Variants in HADHB observed in about 807,000 individuals in gnomAD.
The protein encoded by HADHB is hydroxyacyl-CoA dehydrogenase trifunctional multienzyme complex subunit beta, also known as trifunctional enzyme subunit beta, mitochondrial.
HADHB carries 50 observed loss-of-function variants against 61.9 expected under a neutral mutation model. That is an observed-to-expected ratio of 0.81 (90% CI 0.64 to 1.02). The LOEUF (loss-of-function observed/expected upper bound fraction) is 1.02. Among genes scored for constraint, HADHB ranks in the 50% least tolerant of loss-of-function variants. The probability of loss-of-function intolerance (pLI) is 0.00; values close to 1 mark genes in which losing one functional copy is unlikely to be tolerated. For synonymous variants in HADHB, 191 were observed against 201.6 expected, an observed-to-expected ratio of 0.95 and a Z score of 0.45; for missense variants, 504 against 586.5, an observed-to-expected ratio of 0.86 and a Z score of 1.45.
rs769724590 is a variant in HADHB, at chr2:26,254,478, C to T, written c.109+4C>T. 2 of 1,541,622 alleles carry T rather than the reference C, an allele frequency of 1.3e-6. No homozygotes were observed. Among genetic ancestry groups the T allele is most frequent in the Non-Finnish European group, 1.8e-6 (2 of 1,113,824 alleles). On this transcript the variant is annotated splice_donor_region_variant and intron_variant, in intron 3 of 15. Coordinates refer to ENST00000317799, the MANE Select transcript of HADHB (RefSeq NM_000183.3). ...TCCCAGCTACGAGCTGCCCCAGGTACAGTAATTTGTAAAATAAATATTTCT... is the reference window on the plus strand; with the variant it reads ...TCCCAGCTACGAGCTGCCCCAGGTATAGTAATTTGTAAAATAAATATTTCT...
chr2:26,285,430 G>A lies in HADHB; in HGVS notation c.1248G>A (p.Lys416=). The A allele has an allele frequency of 6.2e-7, 1 of 1,613,862 alleles. No individual in the cohort carries two copies. The highest frequency in any genetic ancestry group is 8.5e-7 in the Non-Finnish European group (1 of 1,179,800). The change falls in exon 15 of 16, where the codon AAG becomes AAA. Residue 416 remains lysine, a synonymous_variant. Transcript: ENST00000317799. ...AGGTTGGATTGCCTCCTTTGGAGAAGTTTAATAACTGGGGTGGATCTCTGT... is the reference window on the plus strand; with the variant it reads ...AGGTTGGATTGCCTCCTTTGGAGAAATTTAATAACTGGGGTGGATCTCTGT... ...KTKVGLPPLE[K]FNNWGGSLSL...
At chr2:26,279,396 C>A in intron 9 of HADHB, 81 bp downstream of exon 9, 1 of 997,558 alleles carries the variant, frequency 1.0e-6, no homozygotes, top group Non-Finnish European at 1.6e-6. Flanking sequence ...GTGATTTTTC[C>A]ATAAGTATGT....
intron 1 of HADHB, among the ~76,000 whole-genome samples, chr2:26,245,642 A>G (rs1671119716): frequency 6.6e-6 from 1 of 152,090 alleles, no homozygotes; most frequent in Non-Finnish European, 1.5e-5. Flanking sequence ...GGCCATATGT[A>G]GTAGAAATAA....
chr2:26,283,099 G>T, intron 12 of HADHB, 48 bp downstream of exon 12: 1 of 1,185,810 alleles, frequency 8.4e-7, no homozygotes, highest in African/African-American at 1.5e-5. Context: ...GTATTTGATT[G>T]CCTATGTTTT....
chr2:26,284,354 G>C, intron 13 of HADHB, 150 bp downstream of exon 13: 1 of 708,730 alleles, frequency 1.4e-6, no homozygotes, highest in African/African-American at 1.8e-5. Context: ...GCTGGGAGGG[G>C]CCCGAGGGGA....
intron 8 of HADHB, 124 bp downstream of exon 8, chr2:26,278,925 C>G (rs1432558768): frequency 3.0e-6 from 3 of 1,005,966 alleles, no homozygotes; most frequent in Non-Finnish European, 3.1e-6. Flanking sequence ...ATTACTTGCT[C>G]AAGATGGAAA....
chr2:26,279,721 G>A lies in HADHB; in HGVS notation c.812-273G>A, dbSNP rs528884427. On this transcript the variant is annotated intron_variant, in intron 9 of 15. Coordinates refer to ENST00000317799, the MANE Select transcript of HADHB (RefSeq NM_000183.3). ...TGCCTGTTTTTAAAATTCCTGAATC[G>A]TCTGACTTCTGTATAGAATAGCCAA... Among the ~76,000 whole-genome samples the A allele has an allele frequency of 1.4e-4, 22 of 151,748 alleles. No homozygotes were observed. In the South Asian group the frequency reaches 2.3e-3, roughly 16 times the overall value.
intron 10 of HADHB, among the ~76,000 whole-genome samples, chr2:26,282,341 G>A (rs1672828561): frequency 2.8e-5 from 4 of 140,930 alleles, no homozygotes; most frequent in African/African-American, 7.9e-5. Context: ...TGCAACCTCC[G>A]CCTCCCAGGT....
rs1288925190 is a variant in HADHB at position 26,279,119 on chromosome 2, A to C, written c.631-16A>C. The C allele has an allele frequency of 6.2e-7, 1 of 1,607,104 alleles. No individual in the cohort carries two copies. The highest frequency in any genetic ancestry group is 1.3e-5 in the African/African-American group (1 of 74,744). On this transcript the variant is annotated splice_polypyrimidine_tract_variant and intron_variant, in intron 8 of 15. Coordinates refer to ENST00000317799, the MANE Select transcript of HADHB (RefSeq NM_000183.3). Reference sequence around the variant, plus strand: ...GGTTAACAGTGTACCTGCTCCTTGGATATCTCCTTTCCCAGCTCCCTGCGG... The same window carrying C: ...GGTTAACAGTGTACCTGCTCCTTGGCTATCTCCTTTCCCAGCTCCCTGCGG...
In HADHB at chr2:26,268,067, A is replaced by G. The variant is rs6748203; in HGVS notation, c.210-1886A>G. On this transcript the variant is annotated intron_variant, in intron 4 of 15. Coordinates refer to ENST00000317799, the MANE Select transcript of HADHB (RefSeq NM_000183.3). ...CGAAGTGGGAAGATTGCTTGAGCCC[A>G]TGAGTTTGAGGCTGCAGTGACCTGT... Among the ~76,000 whole-genome samples the G allele has an allele frequency of 6.3e-3, 957 of 152,252 alleles. 9 individuals carry two copies. The highest frequency in any genetic ancestry group is 0.021 in the African/African-American group (892 of 41,538).
chr2:26,264,275 G>T (rs544638856), intron 4 of HADHB, among the ~76,000 whole-genome samples: 2 of 151,544 alleles, frequency 1.3e-5, no homozygotes, highest in Non-Finnish European at 2.9e-5. Flanking sequence ...CAGGCTGGGT[G>T]CAGTGGCTCA....
At chr2:26,250,221 C>G (rs1671345808) in intron 1 of HADHB, among the ~76,000 whole-genome samples, 1 of 152,108 alleles carries the variant, frequency 6.6e-6, no homozygotes, top group Non-Finnish European at 1.5e-5. Flanking sequence ...TCAGGCTGGT[C>G]TTGAACTCCC....
At chr2:26,273,105 A>C (rs2147819508) in intron 5 of HADHB, among the ~76,000 whole-genome samples, 1 of 151,736 alleles carries the variant, frequency 6.6e-6, no homozygotes, top group Non-Finnish European at 1.5e-5. Context: ...AAAAAAGGAA[A>C]CCAAGTCTGG....
intron 6 of HADHB, among the ~76,000 whole-genome samples, chr2:26,275,774 A>G (rs1672514711): frequency 6.6e-6 from 1 of 152,252 alleles, no homozygotes; most frequent in African/African-American, 2.4e-5. Flanking sequence ...CAGTTACATC[A>G]CTAACACATT....
chr2:26,285,739 G>GTTTGTTTTTTTTTTTTTTT (rs1673001027), intron 15 of HADHB, among the ~76,000 whole-genome samples, 168 bp downstream of exon 15: 1 of 65,082 alleles, frequency 1.5e-5, no homozygotes, highest in Non-Finnish European at 2.9e-5. Flanking sequence ...TGTTTTTTGG[G>GTTTGTTTTTTTTTTTTTTT]TTTTTTTTTT....
chr2:26,282,871 C>T lies in HADHB; in HGVS notation c.960C>T (p.Ile320=). 6.2e-7 allele frequency: 1 copy of T among 1,612,948 alleles called. No individual in the cohort carries two copies. Among genetic ancestry groups the T allele is most frequent in the South Asian group, 1.1e-5 (1 of 91,028 alleles). Residue 320 remains isoleucine, a synonymous_variant, in exon 11 of 16, where the codon ATC becomes ATT. Coordinates refer to ENST00000317799, the MANE Select transcript of HADHB (RefSeq NM_000183.3). The part of the protein sequence containing the change: ...FLTDGASAML[I]MAEEKALAMG... ...CTGATGGTGCATCTGCAATGTTAAT[C>T]ATGGCGGAGGAAAAGGCTCTGGCCA...
intron 7 of HADHB, among the ~76,000 whole-genome samples, chr2:26,278,381 A>G (rs1477875631): frequency 6.6e-6 from 1 of 152,266 alleles, no homozygotes; most frequent in Non-Finnish European, 1.5e-5. Context: ...GGATATTCCT[A>G]GAAGTTGACG....
chr2:26,273,469 C>T (rs1672426884), intron 5 of HADHB, among the ~76,000 whole-genome samples, 182 bp from the exon 6 acceptor site: 1 of 152,170 alleles, frequency 6.6e-6, no homozygotes, highest in Admixed American at 6.5e-5. Flanking sequence ...TTTAAAATCA[C>T]TCTTTCATTC....
Position 26,282,897 on chromosome 2 carries a change from T to C in HADHB, c.986T>C (p.Met329Thr), listed in dbSNP as rs1672852786. Residue 329 changes from methionine to threonine, a missense_variant, in exon 11 of 16, where the codon ATG becomes ACG. Transcript: ENST00000317799. ...LIMAEEKALA[M>T]GYKPKAYLRD... ...ATGGCGGAGGAAAAGGCTCTGGCCA[T>C]GGGTTATAAGCCGAAGGCATATTTG... is the stretch of plus-strand genomic sequence containing the variant. The C allele has an allele frequency of 6.2e-7, 1 of 1,612,734 alleles. No individual in the cohort carries two copies.
Sources: allele counts gnomAD v4.1 joint callset (sites outside exome capture counted in the v4.1 genomes callset), GRCh38; gene constraint gnomAD v4.1.1; transcripts MANE v1.5; gene names NCBI Gene and HGNC (gene_info 2026-07-23, HGNC 2026-07-21).